AGBL1: variants seen among roughly 807,000 people sequenced by gnomAD.
AGBL1 encodes the protein AGBL carboxypeptidase 1, also known as cytosolic carboxypeptidase 4.
AGBL1 carries 130 observed loss-of-function variants against 118.9 expected under a neutral mutation model. The ratio of observed to expected loss-of-function variants is 1.09; its 90% CI spans 0.95 to 1.26. The LOEUF (loss-of-function observed/expected upper bound fraction) is 1.26. Among genes scored for constraint, AGBL1 ranks in the 50% most tolerant of loss-of-function variants. AGBL1 has a pLI of 0.00. For synonymous variants in AGBL1, 555 were observed against 478.9 expected, an observed-to-expected ratio of 1.16 and a Z score of -2.08; for missense variants, 1,584 against 1,298.1, an observed-to-expected ratio of 1.22 and a Z score of -3.38.
chr15:86,353,160 G>A (rs560697035), intron 17 of AGBL1, among the ~76,000 whole-genome samples: 3 of 152,292 alleles, frequency 2.0e-5, no homozygotes, highest in African/African-American at 7.2e-5. Flanking sequence ...ATCCATTGTA[G>A]CTTTTATACC....
At chr15:86,282,778 G>C (rs369226090) in intron 16 of AGBL1, among the ~76,000 whole-genome samples, 24 of 152,322 alleles carry the variant, frequency 1.6e-4, no homozygotes, top group African/African-American at 5.8e-4. Flanking sequence ...CCCAAGGGGA[G>C]AATTAACTGT....
intron 5 of AGBL1, among the ~76,000 whole-genome samples, chr15:86,189,021 G>A (rs2077675103): frequency 6.6e-6 from 1 of 152,092 alleles, no homozygotes; most frequent in Non-Finnish European, 1.5e-5. Flanking sequence ...ATGGAAAAAA[G>A]CCTCAATTTT....
At chr15:86,880,777 CTG>C (rs374794588) in intron 22 of AGBL1, among the ~76,000 whole-genome samples, 2 of 151,858 alleles carry the variant, frequency 1.3e-5, no homozygotes, top group African/African-American at 4.8e-5. Flanking sequence ...GTATATGCCT[CTG>C]TGTGTGTGTG....
chr15:86,347,472 G>A (rs76634765), intron 17 of AGBL1, among the ~76,000 whole-genome samples: 2,642 of 152,304 alleles, frequency 0.017, 40 homozygotes, highest in Non-Finnish European at 0.028. Flanking sequence ...TTTGTTTTGG[G>A]TTCACAGAGA....
intron 22 of AGBL1, among the ~76,000 whole-genome samples, chr15:86,682,561 C>T (rs545220911): frequency 7.9e-5 from 12 of 152,194 alleles, no homozygotes; most frequent in Non-Finnish European, 1.8e-4. Flanking sequence ...AAAAATCTCT[C>T]ATTTGATCCT....
At chr15:86,647,163 A>G (rs2142484533) in intron 21 of AGBL1, among the ~76,000 whole-genome samples, 1 of 152,314 alleles carries the variant, frequency 6.6e-6, no homozygotes, top group East Asian at 1.9e-4. Flanking sequence ...TAGAATTAAT[A>G]GTTTAAAAAT....
chr15:86,230,715 CTTA>C (rs1283671970), intron 6 of AGBL1, among the ~76,000 whole-genome samples: 1 of 152,162 alleles, frequency 6.6e-6, no homozygotes, highest in Non-Finnish European at 1.5e-5. Flanking sequence ...AAAATTCGTT[CTTA>C]TTATTCATTT....
chr15:86,389,773 G>A (rs1393548862), intron 17 of AGBL1, among the ~76,000 whole-genome samples: 1 of 151,854 alleles, frequency 6.6e-6, no homozygotes, highest in Non-Finnish European at 1.5e-5. Context: ...AGAATAGAAG[G>A]ATGTATAACT....
chr15:86,226,782 T>C (rs2078371671), intron 6 of AGBL1, among the ~76,000 whole-genome samples: 1 of 152,162 alleles, frequency 6.6e-6, no homozygotes, highest in African/African-American at 2.4e-5. Context: ...AGCTCAGATA[T>C]TGCCTCCTCT....
At chr15:86,149,906 A>G (rs1291363004) in intron 3 of AGBL1, among the ~76,000 whole-genome samples, 1 of 152,218 alleles carries the variant, frequency 6.6e-6, no homozygotes, top group African/African-American at 2.4e-5. Context: ...ATGTAAAAGA[A>G]CAGAAATCAC....
intron 17 of AGBL1, among the ~76,000 whole-genome samples, chr15:86,363,346 A>G (rs936102599): frequency 6.6e-6 from 1 of 152,060 alleles, no homozygotes; most frequent in Non-Finnish European, 1.5e-5. Flanking sequence ...GGGTACTTAG[A>G]GGTTTGTTCC....
intron 23 of AGBL1, among the ~76,000 whole-genome samples, chr15:86,979,345 CATTT>C (rs1306763718): frequency 6.6e-6 from 1 of 152,174 alleles, no homozygotes; most frequent in Non-Finnish European, 1.5e-5. Flanking sequence ...TTATAATGCA[CATTT>C]GTTTCCCCCA....
intron 21 of AGBL1, among the ~76,000 whole-genome samples, chr15:86,605,434 G>A (rs2084561771): frequency 6.6e-6 from 1 of 152,040 alleles, no homozygotes; most frequent in African/African-American, 2.4e-5. Flanking sequence ...ACAAATCTGT[G>A]CAGCAGCTAA....
rs1460820444 is a variant in AGBL1 at position 86,735,653 on chromosome 15, G to GATATATATATATATATATATATATATAT, written c.3158+61218_3158+61219insTATATATATATATATATATATATATATA. On this transcript the variant is annotated intron_variant, in intron 22 of 22. Transcript: ENST00000614907. ...GTGTGTGTATTTCCTGCTACAAAGA[G>GATATATATATATATATATATATATATAT]AGATATATATATATATTTTATTTGT... 1.9e-3 allele frequency among the ~76,000 whole-genome samples: 276 copies of GATATATATATATATATATATATATATAT among 142,908 alleles called. 2 individuals are homozygous for GATATATATATATATATATATATATATAT. Among genetic ancestry groups the GATATATATATATATATATATATATATAT allele is most frequent in the South Asian group, 7.7e-3 (34 of 4,390 alleles). 93.8% of individuals were successfully genotyped at this position (142,908 alleles called of 152,430 possible).
At chr15:86,286,735 G>GTGTATATATATATATATATATAT in intron 16 of AGBL1, among the ~76,000 whole-genome samples, 1 of 106,252 alleles carries the variant, frequency 9.4e-6, no homozygotes, top group Admixed American at 9.1e-5. Context: ...GTTTGTGTGT[G>GTGTATATATATATATATATATAT]TATATATATA....
intron 22 of AGBL1, among the ~76,000 whole-genome samples, chr15:86,741,688 T>A (rs1222156298): frequency 6.6e-6 from 1 of 152,054 alleles, no homozygotes; most frequent in Non-Finnish European, 1.5e-5. Context: ...ATTTAGTCCC[T>A]TACTGAATTT....
chr15:86,498,715 A>G (rs1381990712), intron 18 of AGBL1, among the ~76,000 whole-genome samples: 1 of 151,966 alleles, frequency 6.6e-6, no homozygotes, highest in Non-Finnish European at 1.5e-5. Flanking sequence ...TTTACAAGAT[A>G]CTGGTGAGAA....
chr15:86,302,316 G>A (rs8035501), intron 17 of AGBL1, among the ~76,000 whole-genome samples: 104,123 of 151,956 alleles, frequency 0.69, 36,226 homozygotes, highest in African/African-American at 0.74. Context: ...AAGAAAGACA[G>A]TAATTATTAC....
intron 23 of AGBL1, among the ~76,000 whole-genome samples, chr15:86,972,629 C>T (rs2081120826): frequency 6.6e-6 from 1 of 151,962 alleles, no homozygotes; most frequent in Admixed American, 6.6e-5. Context: ...AAATGTTTGA[C>T]TTCTGAAACT....
Sources: gnomAD v4.1 joint callset for allele counts (sites outside exome capture counted in the v4.1 genomes callset) on GRCh38, gnomAD v4.1.1 for gene constraint, MANE v1.5 for transcripts, NCBI Gene and HGNC (gene_info 2026-07-23, HGNC 2026-07-21) for gene names.